KIF13A: variants seen among roughly 807,000 people sequenced by gnomAD.
KIF13A encodes kinesin family member 13A.
KIF13A carries 79 observed loss-of-function variants against 212.2 expected under a neutral mutation model. That is an observed-to-expected ratio of 0.37 (90% CI 0.31 to 0.45). KIF13A has a LOEUF of 0.45. KIF13A is among the 20% of genes least tolerant of loss of function. The pLI, the probability that KIF13A is intolerant of heterozygous loss-of-function variation, is 1.00. For synonymous variants in KIF13A, 789 were observed against 808.6 expected, an observed-to-expected ratio of 0.98 and a Z score of 0.41; for missense variants, 1,901 against 2,209.0, an observed-to-expected ratio of 0.86 and a Z score of 2.79.
At position 17,828,198 on chromosome 6, in the gene KIF13A, A is replaced by G; in HGVS notation, c.1532+42T>C. ...GAGGCAGCCTTCTCCTTCTGAAAATAAGGCACACAAGACACGTGAAGTCAC... is the reference window on the plus strand; with the variant it reads ...GAGGCAGCCTTCTCCTTCTGAAAATGAGGCACACAAGACACGTGAAGTCAC... On this transcript the variant is annotated intron_variant, in intron 14 of 38. Transcript: ENST00000259711. This position sits in a 1 kb window ranked among gnomAD's most constrained non-coding sequence, Gnocchi z 4.3. The G allele has an allele frequency of 6.3e-7, 1 of 1,581,558 alleles. No individual in the cohort carries two copies. The highest frequency in any genetic ancestry group is 2.3e-5 in the East Asian group (1 of 44,040).
intron 12 of KIF13A, among the ~76,000 whole-genome samples, chr6:17,832,246 C>T (rs973793206): frequency 9.2e-5 from 14 of 151,954 alleles, no homozygotes; most frequent in African/African-American, 2.9e-4. Context: ...CACATAACCC[C>T]GAGAATTAGT....
intron 2 of KIF13A, among the ~76,000 whole-genome samples, chr6:17,931,220 A>T (rs543478953): frequency 2.8e-4 from 42 of 152,240 alleles, no homozygotes; most frequent in Admixed American, 1.3e-4. Context: ...GAGCTGGATT[A>T]TCACTTTAGC....
chr6:17,982,741 T>C lies in KIF13A; in HGVS notation c.146+4313A>G, dbSNP rs1268605461. ...GAAAGCAAGTTCCACTATATTCTTT[T>C]CACAGCACAGCATCACTTCCTAAAA... On this transcript the variant is annotated intron_variant, in intron 2 of 38. Coordinates refer to ENST00000259711, the MANE Select transcript of KIF13A (RefSeq NM_022113.6). The surrounding 1 kb of genome is among the most constrained non-coding windows in gnomAD (Gnocchi z 5.1). Among the ~76,000 whole-genome samples, 1 of 152,220 alleles carries C rather than the reference T, an allele frequency of 6.6e-6. No individual in the cohort carries two copies. The highest frequency in any genetic ancestry group is 2.4e-5 in the African/African-American group (1 of 41,454).
chr6:17,760,743 G>T (rs1758545313), downstream of KIF13A: 1 of 1,085,900 alleles, frequency 9.2e-7, no homozygotes, highest in Non-Finnish European at 1.4e-6. Context: ...CCAGCTTCTG[G>T]TCTGAGGTCC....
chr6:17,951,121 T>A lies in KIF13A; in HGVS notation c.146+35933A>T. On this transcript the variant is annotated intron_variant, in intron 2 of 38. Coordinates refer to ENST00000259711, the MANE Select transcript of KIF13A (RefSeq NM_022113.6). The surrounding 1 kb of genome is among the most constrained non-coding windows in gnomAD (Gnocchi z 4.9). The stretch of plus-strand genomic sequence containing the variant: ...TTTGCCAACCATCCATTTATTCATA[T>A]GTGGGGTCTGATGCAATTCACCTCA... 1 of 1,184,632 alleles carries A rather than the reference T, an allele frequency of 8.4e-7. No homozygotes were observed. Among genetic ancestry groups the A allele is most frequent in the Non-Finnish European group, 1.0e-6 (1 of 958,596 alleles). The allele number at this position is 1,184,632 out of a possible 1,614,324, so 73.4% of individuals were successfully genotyped here. A position where few individuals can be genotyped will look rare whatever the true frequency, so the allele number is the denominator to read the frequency against.
rs1325274888 is a variant in KIF13A at position 17,794,279 on chromosome 6, G to A, written c.3192C>T (p.Thr1064=). ...AACTGTCCAGCCCTCTTTGGAGTTT[G>A]GTGGACCTGGCAGTTACACAGCCGA... is the stretch of plus-strand genomic sequence containing the variant. ...VSIGCVTARS[T]KLQRGLDSYQ... The change falls in exon 25 of 39, where the codon ACC becomes ACT. Residue 1064 remains threonine (T), a synonymous_variant. Coordinates refer to ENST00000259711, the MANE Select transcript of KIF13A (RefSeq NM_022113.6). This position sits in a 1 kb window ranked among gnomAD's most constrained non-coding sequence, Gnocchi z 4.1. The A allele has an allele frequency of 6.2e-7, 1 of 1,613,380 alleles. No individual in the cohort carries two copies. Among genetic ancestry groups the A allele is most frequent in the Middle Eastern group, 1.7e-4 (1 of 6,054 alleles).
chr6:17,799,958 T>C lies in KIF13A; in HGVS notation c.2610A>G (p.Thr870=), dbSNP rs750119451. The C allele has an allele frequency of 3.7e-6, 6 of 1,613,902 alleles. No homozygotes were observed. Among genetic ancestry groups the C allele is most frequent in the East Asian group, 2.2e-5 (1 of 44,876 alleles). The change falls in exon 21 of 39, where the codon ACA becomes ACG. Residue 870 remains threonine (T), a synonymous_variant. Coordinates refer to ENST00000259711, the MANE Select transcript of KIF13A (RefSeq NM_022113.6). This position sits in a 1 kb window ranked among gnomAD's most constrained non-coding sequence, Gnocchi z 4.4. ...CCCATCACTGTCCTCTCACCCGACA[T>C]GTCAGCTTTTTGACTCGGTGAATGA... ...GEIIHRVKKL[T]CRVKIKEATG... is the part of the protein sequence containing the mutation.
intron 2 of KIF13A, among the ~76,000 whole-genome samples, chr6:17,904,292 A>AC (rs1773304173): frequency 6.6e-6 from 1 of 151,468 alleles, no homozygotes; most frequent in African/African-American, 2.4e-5. Flanking sequence ...AGATGGTGAA[A>AC]CCCCATCTCT....
At chr6:17,906,963 C>T (rs1773561098) in intron 2 of KIF13A, among the ~76,000 whole-genome samples, 1 of 152,174 alleles carries the variant, frequency 6.6e-6, no homozygotes, top group Non-Finnish European at 1.5e-5. Context: ...TAAGATGCTA[C>T]AGTCAACAAG....
At chr6:17,903,947 G>A (rs1773269498) in intron 2 of KIF13A, among the ~76,000 whole-genome samples, 1 of 151,430 alleles carries the variant, frequency 6.6e-6, no homozygotes, top group South Asian at 2.1e-4. Context: ...GAGTCCAGGA[G>A]TTCAAGACCA....
At chr6:17,903,052 A>C (rs1468210280) in intron 2 of KIF13A, among the ~76,000 whole-genome samples, 1 of 152,228 alleles carries the variant, frequency 6.6e-6, no homozygotes, top group Non-Finnish European at 1.5e-5. Context: ...AAAATGCAGA[A>C]TATTTCTGAT....
At chr6:17,981,654 C>T (rs1188795482) in intron 2 of KIF13A, among the ~76,000 whole-genome samples, 1 of 151,976 alleles carries the variant, frequency 6.6e-6, no homozygotes, top group Admixed American at 6.6e-5. Flanking sequence ...GATCTCCTGA[C>T]CTCGTGATCT....
At chr6:17,877,562 T>C (rs1364149178) in intron 3 of KIF13A, among the ~76,000 whole-genome samples, 1 of 152,204 alleles carries the variant, frequency 6.6e-6, no homozygotes, top group Non-Finnish European at 1.5e-5. Context: ...TGGCATCTTA[T>C]AATACTTAAC....
In KIF13A at chr6:17,787,982, A is replaced by G. The variant is rs1761203481; in HGVS notation, c.3262-107T>C. 7.0e-6 allele frequency: 5 copies of G among 718,146 alleles called. No homozygotes were observed. The highest frequency in any genetic ancestry group is 9.8e-6 in the Non-Finnish European group (4 of 407,470). 44.5% of individuals were successfully genotyped at this position (718,146 alleles called of 1,614,324 possible). On this transcript the variant is annotated intron_variant, in intron 26 of 38. Coordinates refer to ENST00000259711, the MANE Select transcript of KIF13A (RefSeq NM_022113.6). The surrounding 1 kb of genome is among the most constrained non-coding windows in gnomAD (Gnocchi z 4.6). ...ATCAACTAGGAAATTTTTCATTAGG[A>G]AAAGCTGTTGAACATTGCTGTGTGA...
At position 17,899,534 on chromosome 6, in the gene KIF13A, C is replaced by T. The variant is rs75961631; in HGVS notation, c.147-1354G>A. Among the ~76,000 whole-genome samples the T allele has an allele frequency of 0.011, 1,695 of 152,252 alleles. 16 individuals carry two copies. Among genetic ancestry groups the T allele is most frequent in the Admixed American group, 0.017 (266 of 15,296 alleles). The stretch of plus-strand genomic sequence containing the variant: ...CTCAGTAGCAGGGAAAAAAAATGTC[C>T]AATCACATGCATAATTCTACGCTTT... On this transcript the variant is annotated intron_variant, in intron 2 of 38. Coordinates refer to ENST00000259711, the MANE Select transcript of KIF13A (RefSeq NM_022113.6). This position sits in a 1 kb window ranked among gnomAD's most constrained non-coding sequence, Gnocchi z 5.2.
chr6:17,892,614 T>C lies in KIF13A; in HGVS notation c.159+5554A>G, dbSNP rs1275052984. On this transcript the variant is annotated intron_variant, in intron 3 of 38. Coordinates refer to ENST00000259711, the MANE Select transcript of KIF13A (RefSeq NM_022113.6). This position sits in a 1 kb window ranked among gnomAD's most constrained non-coding sequence, Gnocchi z 4.7. ...AAGGCAGGATTAGAGGGTTGGAACA[T>C]TTAGCCCAATTCTTGACTTCTGGGA... is the stretch of plus-strand genomic sequence containing the variant. Among the ~76,000 whole-genome samples, 1 of 152,170 alleles carries C rather than the reference T, an allele frequency of 6.6e-6. No individual in the cohort carries two copies. Among genetic ancestry groups the C allele is most frequent in the Non-Finnish European group, 1.5e-5 (1 of 68,030 alleles).
At chr6:17,859,638 A>ATT (rs1176958380) in intron 4 of KIF13A, among the ~76,000 whole-genome samples, 1,301 of 111,818 alleles carry the variant, frequency 0.012, 51 homozygotes, top group African/African-American at 0.041. Context: ...ATATATATAT[A>ATT]TTTTTTTTTT....
chr6:17,847,151 T>A (rs1244403880), intron 9 of KIF13A, among the ~76,000 whole-genome samples: 1 of 152,176 alleles, frequency 6.6e-6, no homozygotes, highest in Admixed American at 6.5e-5. Flanking sequence ...TTCCAACAAG[T>A]CTACAGACTT....
chr6:17,795,967 T>A (rs1036218136), intron 23 of KIF13A, among the ~76,000 whole-genome samples: 4 of 152,222 alleles, frequency 2.6e-5, no homozygotes, highest in Non-Finnish European at 5.9e-5. Context: ...TTGTATATGG[T>A]GTGAAGTAAA....
Sources: allele counts gnomAD v4.1 joint callset (sites outside exome capture counted in the v4.1 genomes callset), GRCh38; gene constraint gnomAD v4.1.1; non-coding constraint Gnocchi (gnomAD v3.1); transcripts MANE v1.5; gene names NCBI Gene and HGNC (gene_info 2026-07-23, HGNC 2026-07-21).